Variants in CELF2 observed in about 807,000 individuals in gnomAD.
CELF2 encodes CUG triplet repeat RNA-binding protein 2.
CELF2 carries 8 observed loss-of-function variants against 62.6 expected under a neutral mutation model. That is an observed-to-expected ratio of 0.13 (90% CI 0.07 to 0.23). The LOEUF (loss-of-function observed/expected upper bound fraction) is 0.23, where lower values mean the gene tolerates loss of function less well. Among genes scored for constraint, CELF2 ranks in the 10% least tolerant of loss-of-function variants. The probability of loss-of-function intolerance (pLI) is 1.00; values close to 1 mark genes in which losing one functional copy is unlikely to be tolerated. For missense variants in CELF2, 333 were observed against 671.0 expected (o/e 0.50, Z 5.56); for synonymous variants, 258 against 250.0 (o/e 1.03, Z -0.30).
At chr10:10,826,868 G>T (rs2057432527) in intron 1 of CELF2, among the ~76,000 whole-genome samples, 2 of 152,184 alleles carry the variant, frequency 1.3e-5, no homozygotes, top group Admixed American at 6.5e-5. Context: ...TCCATGTAGG[G>T]AGTGGCTAGC....
chr10:11,106,987 G>T (rs1225626402), intron 1 of CELF2, among the ~76,000 whole-genome samples: 2 of 152,216 alleles, frequency 1.3e-5, no homozygotes, highest in Non-Finnish European at 1.5e-5. Flanking sequence ...CCCTGCTGGT[G>T]CCCAGCAGAT....
At chr10:11,073,740 T>A (rs1313727306) in intron 1 of CELF2, among the ~76,000 whole-genome samples, 1 of 152,128 alleles carries the variant, frequency 6.6e-6, no homozygotes, top group Non-Finnish European at 1.5e-5. Context: ...AGGGGCCAGG[T>A]CTCCCTGGGG....
chr10:10,727,138 G>A, the CELF2 span, among the ~76,000 whole-genome samples: 889 of 152,286 alleles, frequency 5.8e-3, 10 homozygotes, highest in Admixed American at 6.4e-3. Flanking sequence ...TTCCAATACT[G>A]GAGATTACAG....
the CELF2 span, among the ~76,000 whole-genome samples, chr10:10,575,968 TA>T: frequency 6.6e-6 from 1 of 152,204 alleles, no homozygotes; most frequent in East Asian, 1.9e-4. Flanking sequence ...CATATCAAAG[TA>T]GATTTTAAAT....
At chr10:10,717,047 A>T in the CELF2 span, among the ~76,000 whole-genome samples, 2 of 152,196 alleles carry the variant, frequency 1.3e-5, no homozygotes, top group African/African-American at 4.8e-5. Flanking sequence ...TATTCTTTCA[A>T]TCTGTACCAA....
At chr10:11,288,650 A>G in intron 9 of CELF2, 98 bp downstream of exon 9, 2 of 1,385,312 alleles carry the variant, frequency 1.4e-6, no homozygotes, top group Non-Finnish European at 2.0e-6. Flanking sequence ...AGACGTGTCC[A>G]GGATGGAGCC....
chr10:11,118,508 TC>T (rs2057050291), intron 1 of CELF2, among the ~76,000 whole-genome samples: 1 of 152,110 alleles, frequency 6.6e-6, no homozygotes, highest in South Asian at 2.1e-4. Flanking sequence ...ATACGTCACT[TC>T]TGTTAAAAGA....
At chr10:11,258,918 T>A (rs2079612020) in intron 5 of CELF2, among the ~76,000 whole-genome samples, 2 of 152,242 alleles carry the variant, frequency 1.3e-5, no homozygotes, top group South Asian at 4.1e-4. Flanking sequence ...TCTCCTGACC[T>A]CGTGATCCAC....
intron 1 of CELF2, among the ~76,000 whole-genome samples, chr10:11,033,277 T>A (rs7090508): frequency 0.39 from 56,870 of 145,382 alleles, 11,558 homozygotes; most frequent in East Asian, 0.74. Context: ...TTTTTTTTTT[T>A]AGACAGTTTT....
chr10:11,264,574 G>C (rs748864376), intron 5 of CELF2, among the ~76,000 whole-genome samples: 1 of 152,192 alleles, frequency 6.6e-6, no homozygotes, highest in Non-Finnish European at 1.5e-5. Context: ...AAATCTCTTA[G>C]TGTTATTTCC....
At chr10:11,164,535 C>T (rs996698203) in intron 1 of CELF2, among the ~76,000 whole-genome samples, 7 of 152,036 alleles carry the variant, frequency 4.6e-5, no homozygotes, top group African/African-American at 7.2e-5. Flanking sequence ...TTTTTCTCTC[C>T]CAAACGTGTG....
At chr10:11,272,717 C>G (rs959340257) in intron 7 of CELF2, among the ~76,000 whole-genome samples, 1 of 152,180 alleles carries the variant, frequency 6.6e-6, no homozygotes, top group Non-Finnish European at 1.5e-5. Flanking sequence ...GTCCTACTCC[C>G]TTTCAGCTGA....
rs191038858 is a variant in CELF2, at chr10:11,068,856, G to A, written c.74+50693G>A. ...ATTACAGGCGTGAGCCACCGCACCC[G>A]GCCTCATTATTTCTTTTAAGGCAAA... On this transcript the variant is annotated intron_variant, in intron 1 of 12. Transcript: ENST00000633077. 8.3e-4 allele frequency among the ~76,000 whole-genome samples: 126 copies of A among 152,196 alleles called. 1 individual carries two copies. Among genetic ancestry groups the A allele is most frequent in the African/African-American group, 2.7e-3 (111 of 41,518 alleles).
chr10:10,906,676 G>GAGAACATACC (rs1215839843), intron 1 of CELF2, among the ~76,000 whole-genome samples: 2 of 151,180 alleles, frequency 1.3e-5, no homozygotes, highest in Non-Finnish European at 2.9e-5. Flanking sequence ...AGGCAAAGTA[G>GAGAACATACC]AGAACATACC....
At chr10:10,614,142 C>T in the CELF2 span, among the ~76,000 whole-genome samples, 5 of 152,144 alleles carry the variant, frequency 3.3e-5, no homozygotes, top group East Asian at 5.8e-4. Context: ...TTGTGTTTCT[C>T]GAATAATTTG....
chr10:10,547,758 A>T, the CELF2 span, among the ~76,000 whole-genome samples: 1 of 149,782 alleles, frequency 6.7e-6, no homozygotes, highest in East Asian at 2.0e-4. Flanking sequence ...GTAAATGTCC[A>T]TTTTTCTGAA....
At position 11,025,239 on chromosome 10, in the gene CELF2, G is replaced by GTGTATATATATATATATA. The variant is rs61580670; in HGVS notation, c.74+7077_74+7078insGTATATATATATATATAT. ...TGTGTGTGTGTGTGTGTGTGTGTGT[G>GTGTATATATATATATATA]TATATGTATGTGACTGTATATCTGG... On this transcript the variant is annotated intron_variant, in intron 1 of 12. Transcript: ENST00000633077. Among the ~76,000 whole-genome samples the GTGTATATATATATATATA allele has an allele frequency of 1.6e-3, 228 of 141,076 alleles. 3 individuals are homozygous for GTGTATATATATATATATA. The highest frequency in any genetic ancestry group is 0.014 in the Middle Eastern group (4 of 282). The allele number at this position is 141,076 out of a possible 152,430, so 92.6% of individuals were successfully genotyped here. A position where few individuals can be genotyped will look rare whatever the true frequency, so the allele number is the denominator to read the frequency against.
At chr10:11,124,019 G>C (rs374010381) in intron 1 of CELF2, among the ~76,000 whole-genome samples, 1 of 152,296 alleles carries the variant, frequency 6.6e-6, no homozygotes, top group East Asian at 1.9e-4. Context: ...GCAAAGTCAC[G>C]TCTTACATGG....
At chr10:10,802,093 A>G (rs2054723398) in intron 1 of CELF2, among the ~76,000 whole-genome samples, 1 of 152,244 alleles carries the variant, frequency 6.6e-6, no homozygotes, top group Non-Finnish European at 1.5e-5. Flanking sequence ...CTCCAGCTGC[A>G]TTCAAAGAAA....
Sources: allele counts gnomAD v4.1 joint callset (sites outside exome capture counted in the v4.1 genomes callset), GRCh38; gene constraint gnomAD v4.1.1; transcripts MANE v1.5; gene names NCBI Gene and HGNC (gene_info 2026-07-23, HGNC 2026-07-21).